Variants in GRID2 observed in about 807,000 individuals in gnomAD.
The protein encoded by GRID2 is glutamate receptor ionotropic, delta-2.
Under a neutral mutation model 114.8 loss-of-function variants are expected in GRID2, and 33 were observed. That is an observed-to-expected ratio of 0.29 (90% CI 0.22 to 0.38). The LOEUF is 0.38. Among genes scored for constraint, GRID2 ranks in the 10% least tolerant of loss-of-function variants. GRID2 has a pLI of 1.00. For synonymous variants in GRID2, 505 were observed against 449.9 expected (o/e 1.12, Z -1.55); for missense variants, 1,184 against 1,257.7 (o/e 0.94, Z 0.89).
chr4:92,861,206 T>C (rs1211473519), intron 2 of GRID2, among the ~76,000 whole-genome samples: 1 of 152,050 alleles, frequency 6.6e-6, no homozygotes, highest in Non-Finnish European at 1.5e-5. Context: ...CTTAAAAGAA[T>C]AACCATTTAT....
At chr4:93,296,155 T>G (rs1754288899) in intron 8 of GRID2, among the ~76,000 whole-genome samples, 1 of 152,176 alleles carries the variant, frequency 6.6e-6, no homozygotes, top group Non-Finnish European at 1.5e-5. Flanking sequence ...CTCTTCCAGT[T>G]TATTGTGGCT....
chr4:92,895,222 C>A (rs1034588330), intron 2 of GRID2, among the ~76,000 whole-genome samples: 11 of 151,426 alleles, frequency 7.3e-5, no homozygotes, highest in African/African-American at 2.4e-4. Context: ...GAATGTAAGA[C>A]AAGTTTTGAA....
At chr4:93,571,967 T>C (rs1735970029) in intron 13 of GRID2, among the ~76,000 whole-genome samples, 1 of 152,122 alleles carries the variant, frequency 6.6e-6, no homozygotes, top group Admixed American at 6.6e-5. Context: ...AAAGGTTTCA[T>C]GATATTTGGA....
intron 14 of GRID2, among the ~76,000 whole-genome samples, chr4:93,746,396 G>C (rs1224853928): frequency 6.6e-6 from 1 of 152,004 alleles, no homozygotes; most frequent in Non-Finnish European, 1.5e-5. Flanking sequence ...TTATTTCATG[G>C]TACCCTAGCT....
intron 4 of GRID2, among the ~76,000 whole-genome samples, chr4:93,184,245 T>A (rs1344328103): frequency 6.6e-6 from 1 of 152,120 alleles, no homozygotes; most frequent in Non-Finnish European, 1.5e-5. Flanking sequence ...AAATAAATGA[T>A]GTAGAATGGC....
At chr4:93,266,547 C>T (rs1446026235) in intron 8 of GRID2, among the ~76,000 whole-genome samples, 1 of 152,096 alleles carries the variant, frequency 6.6e-6, no homozygotes, top group Non-Finnish European at 1.5e-5. Context: ...GCATCCCACA[C>T]GAACCCCATC....
chr4:93,542,534 C>G (rs1732755547), intron 13 of GRID2, among the ~76,000 whole-genome samples: 1 of 151,990 alleles, frequency 6.6e-6, no homozygotes. Flanking sequence ...CCTTTTTTCA[C>G]TGGAAGTAAA....
At chr4:93,551,338 A>G (rs1733734044) in intron 13 of GRID2, among the ~76,000 whole-genome samples, 1 of 152,200 alleles carries the variant, frequency 6.6e-6, no homozygotes, top group South Asian at 2.1e-4. Context: ...GAAGGCTGCC[A>G]TAGGGAGGCA....
rs370243157 is a variant in GRID2 at position 93,082,470 on chromosome 4, G to T, written c.245-2525G>T. Among the ~76,000 whole-genome samples the T allele has an allele frequency of 1.9e-4, 29 of 152,170 alleles. No individual in the cohort carries two copies. The East Asian group carries it at 5.4e-3, about 29-fold the overall frequency. The stretch of plus-strand genomic sequence containing the variant: ...TCAGAGGGATGCGCATTTATAACTT[G>T]CAGGCCACCACTCTCCCACTCTCTA... On this transcript the variant is annotated intron_variant, in intron 2 of 15. Coordinates refer to ENST00000282020, the MANE Select transcript of GRID2 (RefSeq NM_001510.4).
chr4:92,948,340 G>A (rs1393760000), intron 2 of GRID2, among the ~76,000 whole-genome samples: 1 of 151,524 alleles, frequency 6.6e-6, no homozygotes, highest in African/African-American at 2.4e-5. Context: ...GGCTTTAGTG[G>A]GTATAATCTA....
At chr4:92,866,671 G>C (rs1271966949) in intron 2 of GRID2, among the ~76,000 whole-genome samples, 3 of 151,546 alleles carry the variant, frequency 2.0e-5, no homozygotes. Context: ...AGCCTCCCGA[G>C]TAGCTGGGAC....
intron 13 of GRID2, among the ~76,000 whole-genome samples, chr4:93,590,075 G>A (rs1436031856): frequency 3.3e-5 from 5 of 149,842 alleles, no homozygotes; most frequent in African/African-American, 4.9e-5. Flanking sequence ...CCATTTGTCA[G>A]TTTTGTCTTT....
intron 13 of GRID2, among the ~76,000 whole-genome samples, chr4:93,619,315 G>C (rs922367646): frequency 3.3e-5 from 5 of 152,178 alleles, no homozygotes; most frequent in African/African-American, 1.2e-4. Flanking sequence ...TTTGCCCAAA[G>C]TGTGAGAGGC....
chr4:92,962,740 G>A (rs1385814536), intron 2 of GRID2, among the ~76,000 whole-genome samples: 5 of 151,920 alleles, frequency 3.3e-5, no homozygotes, highest in Admixed American at 1.3e-4. Flanking sequence ...ATGGGCACCC[G>A]CCTATGACTA....
intron 8 of GRID2, among the ~76,000 whole-genome samples, chr4:93,311,756 CA>C (rs1422803963): frequency 1.3e-5 from 2 of 152,228 alleles, no homozygotes; most frequent in Admixed American, 1.3e-4. Context: ...CTTCAAGAAG[CA>C]AAGAGTGATC....
intron 14 of GRID2, among the ~76,000 whole-genome samples, chr4:93,753,353 T>G (rs1156256301): frequency 6.6e-6 from 1 of 152,162 alleles, no homozygotes; most frequent in African/African-American, 2.4e-5. Flanking sequence ...TTTTTATTAT[T>G]ATTATTATAC....
At chr4:93,517,952 T>TAC (rs1729915204) in intron 13 of GRID2, among the ~76,000 whole-genome samples, 25 of 37,434 alleles carry the variant, frequency 6.7e-4, no homozygotes, top group Admixed American at 1.6e-3. Flanking sequence ...TACATACATG[T>TAC]ATATGTATGT....
At chr4:92,491,170 A>T (rs1723129171) in intron 1 of GRID2, among the ~76,000 whole-genome samples, 1 of 152,148 alleles carries the variant, frequency 6.6e-6, no homozygotes. Flanking sequence ...ACTATTTTTG[A>T]AAATAATAAA....
chr4:93,498,186 G>A (rs1727730546), intron 12 of GRID2, among the ~76,000 whole-genome samples: 2 of 151,788 alleles, frequency 1.3e-5, no homozygotes, highest in Non-Finnish European at 2.9e-5. Flanking sequence ...CTGGATGCTG[G>A]GAAGTCCAAT....
Sources: allele counts gnomAD v4.1 joint callset (sites outside exome capture counted in the v4.1 genomes callset), GRCh38; gene constraint gnomAD v4.1.1; transcripts MANE v1.5; gene names NCBI Gene and HGNC (gene_info 2026-07-23, HGNC 2026-07-21).